SULF2: variants seen among roughly 807,000 people sequenced by gnomAD.
SULF2 encodes sulfatase 2.
SULF2 carries 52 observed loss-of-function variants against 107.7 expected under a neutral mutation model. The observed-to-expected ratio is 0.48, with a 90% CI of 0.39 to 0.61. The LOEUF (loss-of-function observed/expected upper bound fraction) is 0.61. Among genes scored for constraint, SULF2 ranks in the 20% least tolerant of loss-of-function variants. SULF2 has a pLI of 0.00. For missense variants in SULF2, 993 were observed against 1,177.3 expected (o/e 0.84, Z 2.29); for synonymous variants, 460 against 464.3 (o/e 0.99, Z 0.12).
intron 2 of SULF2, among the ~76,000 whole-genome samples, chr20:47,752,746 G>T (rs180835349): frequency 6.7e-6 from 1 of 150,152 alleles, no homozygotes; most frequent in African/African-American, 2.5e-5. Context: ...GCGAGACCCC[G>T]TCTCAAAAAA....
intron 2 of SULF2, among the ~76,000 whole-genome samples, chr20:47,738,043 C>T (rs1210748694): frequency 6.6e-6 from 1 of 152,204 alleles, no homozygotes; most frequent in Non-Finnish European, 1.5e-5. Flanking sequence ...CTTGCCTGGC[C>T]ATGCCTGCTC....
chr20:47,717,272 T>A lies in SULF2; in HGVS notation c.416-14602A>T, dbSNP rs192198116. On this transcript the variant is annotated intron_variant, in intron 3 of 20. Coordinates refer to ENST00000688720, the MANE Select transcript of SULF2 (RefSeq NM_001387048.1). ...GGTAGATCCTTTTTTTGGTCCCTAT[T>A]TTACAGATGGAGAAACTGAGGCACA... 4.6e-5 allele frequency among the ~76,000 whole-genome samples: 7 copies of A among 152,266 alleles called. No homozygotes were observed. In the East Asian group the frequency reaches 1.2e-3, roughly 25 times the overall value.
At chr20:47,720,125 T>C (rs1197511560) in intron 3 of SULF2, among the ~76,000 whole-genome samples, 1 of 151,988 alleles carries the variant, frequency 6.6e-6, no homozygotes, top group Non-Finnish European at 1.5e-5. Context: ...ATTTTGTTCT[T>C]GTATTTTTTA....
In SULF2 at chr20:47,676,586, CGTCCACCTTGTCATT is replaced by C; in HGVS notation, c.1273_1287del (p.Asn425_Asp429del). On this transcript the variant is annotated inframe_deletion, in exon 10 of 21. Coordinates refer to ENST00000688720, the MANE Select transcript of SULF2 (RefSeq NM_001387048.1). ...TTGGGCAGAAAGTTCTCCTCCTGGG[CGTCCACCTTGTCATT>C]GTCTCTCTTGTGTAGCAGCTTGCTA... 1 of 1,564,254 alleles carries C rather than the reference CGTCCACCTTGTCATT, an allele frequency of 6.4e-7. No homozygotes were observed. Among genetic ancestry groups the C allele is most frequent in the South Asian group, 1.2e-5 (1 of 85,440 alleles).
intron 11 of SULF2, among the ~76,000 whole-genome samples, chr20:47,667,098 G>A (rs949846097): frequency 2.0e-5 from 3 of 152,304 alleles, no homozygotes; most frequent in African/African-American, 7.2e-5. Flanking sequence ...CCTCTGCATT[G>A]TATATAATTG....
At chr20:47,778,341 G>A (rs904410333) in intron 1 of SULF2, among the ~76,000 whole-genome samples, 5 of 152,218 alleles carry the variant, frequency 3.3e-5, no homozygotes, top group African/African-American at 1.2e-4. Context: ...CACAAGACCT[G>A]GCCATAACAA....
rs781262131 is a variant in SULF2 at position 47,658,335 on chromosome 20, T to A, written c.*27A>T. On this transcript the variant is annotated 3_prime_UTR_variant, in exon 21 of 21. Transcript: ENST00000688720. ...TGTGCAGTCAGGTGATGCCTCTATGTTTTTGGAGGTCCACCTCTGTTGTTT... is the reference window on the plus strand; with the variant it reads ...TGTGCAGTCAGGTGATGCCTCTATGATTTTGGAGGTCCACCTCTGTTGTTT... The A allele has an allele frequency of 1.2e-6, 2 of 1,613,398 alleles. No homozygotes were observed. Among genetic ancestry groups the A allele is most frequent in the African/African-American group, 1.3e-5 (1 of 74,908 alleles).
intron 6 of SULF2, 121 bp from the exon 7 acceptor site, chr20:47,683,290 C>T (rs770283485): frequency 6.9e-6 from 7 of 1,013,750 alleles, no homozygotes; most frequent in Admixed American, 2.9e-5. Context: ...GGTCTTTGCT[C>T]AACTTTCCCA....
chr20:47,719,146 G>A (rs925557506), intron 3 of SULF2, among the ~76,000 whole-genome samples: 2 of 152,190 alleles, frequency 1.3e-5, no homozygotes, highest in Admixed American at 6.5e-5. Context: ...ATTTGAGCCA[G>A]CGCTACTTCG....
chr20:47,661,649 G>A lies in SULF2; in HGVS notation c.2494+124C>T, dbSNP rs1267844708. ...GGACAGGGGCTCCCATGACTCGTCT[G>A]GAACTGTATCACCTCCCAAAGCCTG... is the stretch of plus-strand genomic sequence containing the variant. On this transcript the variant is annotated intron_variant, in intron 18 of 20. Coordinates refer to ENST00000688720, the MANE Select transcript of SULF2 (RefSeq NM_001387048.1). 2.8e-6 allele frequency: 3 copies of A among 1,069,400 alleles called. No homozygotes were observed. In the Admixed American group the frequency reaches 8.7e-5, roughly 31 times the overall value. The allele number at this position is 1,069,400 out of a possible 1,614,324, so 66.2% of individuals were successfully genotyped here. A position where few individuals can be genotyped will look rare whatever the true frequency, so the allele number is the denominator to read the frequency against.
At chr20:47,671,439 A>AT (rs1375481747) in intron 11 of SULF2, among the ~76,000 whole-genome samples, 3 of 151,820 alleles carry the variant, frequency 2.0e-5, no homozygotes, top group East Asian at 3.9e-4. Flanking sequence ...CGCCCAACTA[A>AT]TTTTTTGTAT....
intron 2 of SULF2, among the ~76,000 whole-genome samples, chr20:47,751,592 T>G (rs1250318201): frequency 1.3e-5 from 2 of 152,104 alleles, no homozygotes; most frequent in Non-Finnish European, 2.9e-5. Context: ...TAAAGCCAAC[T>G]TGGAGGAAAG....
At chr20:47,696,283 G>A (rs1341046973) in intron 4 of SULF2, among the ~76,000 whole-genome samples, 2 of 152,128 alleles carry the variant, frequency 1.3e-5, no homozygotes, top group Non-Finnish European at 2.9e-5. Flanking sequence ...CTGGTACATG[G>A]TATGTCTAAA....
Position 47,666,541 on chromosome 20 carries a change from G to C in SULF2, c.1577-53C>G. 1 of 1,455,410 alleles carries C rather than the reference G, an allele frequency of 6.9e-7. No individual in the cohort carries two copies. Among genetic ancestry groups the C allele is most frequent in the Non-Finnish European group, 9.5e-7 (1 of 1,054,592 alleles). The allele number at this position is 1,455,410 out of a possible 1,614,324, so 90.2% of individuals were successfully genotyped here. Reference sequence around the variant, plus strand: ...TAGGGAGGCAGGAAAGGCTGGCCAGGCTCCCAGGGCAGTGGGTCCTTCATC... The same window carrying C: ...TAGGGAGGCAGGAAAGGCTGGCCAGCCTCCCAGGGCAGTGGGTCCTTCATC... On this transcript the variant is annotated intron_variant, in intron 11 of 20. Transcript: ENST00000688720. The surrounding 1 kb of genome is among the most constrained non-coding windows in gnomAD (Gnocchi z 5.4).
At chr20:47,741,029 G>A (rs1469087551) in intron 2 of SULF2, among the ~76,000 whole-genome samples, 3 of 152,022 alleles carry the variant, frequency 2.0e-5, no homozygotes, top group Admixed American at 6.6e-5. Context: ...AAACACCCAC[G>A]ATCGTACCCT....
chr20:47,658,207 T>C lies in SULF2; in HGVS notation c.*155A>G, dbSNP rs924912114. ...TTATCTCTGCTCCTGCTGGTTATCC[T>C]CCAGAATCTGTCATGTTGACTGAGA... On this transcript the variant is annotated 3_prime_UTR_variant, in exon 21 of 21. Coordinates refer to ENST00000688720, the MANE Select transcript of SULF2 (RefSeq NM_001387048.1). 2.4e-5 allele frequency: 18 copies of C among 753,146 alleles called. No homozygotes were observed. The African/African-American group carries it at 2.8e-4, about 12-fold the overall frequency. The allele number at this position is 753,146 out of a possible 1,614,324, so 46.7% of individuals were successfully genotyped here.
chr20:47,661,537 G>T, intron 18 of SULF2: 1 of 365,984 alleles, frequency 2.7e-6, no homozygotes, highest in Non-Finnish European at 5.1e-6. Context: ...AATGAAATGA[G>T]ACGGAATTCC....
intron 2 of SULF2, among the ~76,000 whole-genome samples, chr20:47,748,750 T>C (rs1012604939): frequency 3.9e-5 from 6 of 152,194 alleles, no homozygotes; most frequent in African/African-American, 1.4e-4. Flanking sequence ...TTCCTCTCTG[T>C]GGTGCCAACA....
At chr20:47,700,208 AG>A (rs1009513867) in intron 4 of SULF2, among the ~76,000 whole-genome samples, 2 of 152,174 alleles carry the variant, frequency 1.3e-5, no homozygotes, top group African/African-American at 4.8e-5. Context: ...CATCTAAGCC[AG>A]GGGTCAGCAA....
Sources: allele counts gnomAD v4.1 joint callset (sites outside exome capture counted in the v4.1 genomes callset), GRCh38; gene constraint gnomAD v4.1.1; non-coding constraint Gnocchi (gnomAD v3.1); transcripts MANE v1.5; gene names NCBI Gene and HGNC (gene_info 2026-07-23, HGNC 2026-07-21).